MECOM: variants seen among roughly 807,000 people sequenced by gnomAD.
MECOM encodes histone-lysine N-methyltransferase MECOM.
In MECOM, 13 loss-of-function variants were observed where a neutral mutation model predicts 116.3. The ratio of observed to expected loss-of-function variants is 0.11; its 90% CI spans 0.07 to 0.18. The LOEUF (loss-of-function observed/expected upper bound fraction) is 0.18. MECOM is among the 10% of genes least tolerant of loss of function. MECOM has a pLI of 1.00. For synonymous variants in MECOM, 528 were observed against 535.2 expected (o/e 0.99, Z 0.19); for missense variants, 1,299 against 1,509.0 (o/e 0.86, Z 2.31).
chr3:169,572,730 A>G (rs1219696125), intron 1 of MECOM, among the ~76,000 whole-genome samples: 1 of 152,178 alleles, frequency 6.6e-6, no homozygotes, highest in Non-Finnish European at 1.5e-5. Flanking sequence ...ACAGGAACAG[A>G]AAACCAAATA....
intron 2 of MECOM, among the ~76,000 whole-genome samples, chr3:169,224,740 T>C (rs1376628449): frequency 6.6e-6 from 1 of 152,214 alleles, no homozygotes; most frequent in East Asian, 1.9e-4. Flanking sequence ...GCATTCATTA[T>C]CCACCAGGGA....
chr3:169,654,088 C>A (rs964349420), intron 1 of MECOM, among the ~76,000 whole-genome samples: 13 of 152,182 alleles, frequency 8.5e-5, no homozygotes, highest in Admixed American at 5.2e-4. Flanking sequence ...CGATGATATT[C>A]CCAACAATAT....
At chr3:169,242,200 T>C (rs1391651179) in intron 2 of MECOM, among the ~76,000 whole-genome samples, 1 of 152,202 alleles carries the variant, frequency 6.6e-6, no homozygotes, top group Non-Finnish European at 1.5e-5. Flanking sequence ...TTCTTTTTCT[T>C]CTTTTTAAAT....
chr3:169,436,346 G>C (rs1742643369), intron 1 of MECOM, among the ~76,000 whole-genome samples: 1 of 149,728 alleles, frequency 6.7e-6, no homozygotes, highest in African/African-American at 2.5e-5. Context: ...CGCCTCCCAG[G>C]TTCAAGCGAT....
intron 3 of MECOM, among the ~76,000 whole-genome samples, chr3:169,139,583 C>T (rs578034650): frequency 6.6e-6 from 1 of 152,180 alleles, no homozygotes; most frequent in Admixed American, 6.5e-5. Flanking sequence ...TCTAAAAAGC[C>T]AACTTAGGTA....
intron 1 of MECOM, among the ~76,000 whole-genome samples, chr3:169,491,192 T>A (rs1182344085): frequency 1.3e-5 from 2 of 152,102 alleles, no homozygotes; most frequent in Admixed American, 6.6e-5. Context: ...AATGAATTAT[T>A]GAGTATATAA....
intron 2 of MECOM, among the ~76,000 whole-genome samples, chr3:169,281,848 G>A (rs985149223): frequency 2.6e-5 from 4 of 152,010 alleles, no homozygotes; most frequent in South Asian, 2.1e-4. Flanking sequence ...TAATTGAACC[G>A]TAAATATGGA....
At chr3:169,305,568 C>T (rs1451851844) in intron 2 of MECOM, among the ~76,000 whole-genome samples, 1 of 152,182 alleles carries the variant, frequency 6.6e-6, no homozygotes, top group African/African-American at 2.4e-5. Context: ...TAATGGTAAA[C>T]TTATGCAAGA....
At chr3:169,516,964 C>T (rs1756707212) in intron 1 of MECOM, among the ~76,000 whole-genome samples, 1 of 152,170 alleles carries the variant, frequency 6.6e-6, no homozygotes, top group African/African-American at 2.4e-5. Flanking sequence ...GGTAGGAAAT[C>T]ATATACTTTG....
At chr3:169,385,696 A>G (rs1733208660) in intron 1 of MECOM, among the ~76,000 whole-genome samples, 1 of 152,230 alleles carries the variant, frequency 6.6e-6, no homozygotes, top group African/African-American at 2.4e-5. Flanking sequence ...AAGCTGCTAA[A>G]ACATTTCATC....
At chr3:169,453,498 G>A (rs914195069) in intron 1 of MECOM, among the ~76,000 whole-genome samples, 4 of 152,118 alleles carry the variant, frequency 2.6e-5, no homozygotes, top group Non-Finnish European at 4.4e-5. Context: ...TTGGCATTAG[G>A]GACATTTTTT....
At chr3:169,221,611 T>C (rs926926849) in intron 2 of MECOM, among the ~76,000 whole-genome samples, 1 of 151,154 alleles carries the variant, frequency 6.6e-6, no homozygotes, top group African/African-American at 2.4e-5. Context: ...GAAGTCACTC[T>C]GGTCTGGTTT....
intron 2 of MECOM, among the ~76,000 whole-genome samples, chr3:169,367,549 G>A (rs1316013494): frequency 6.6e-6 from 1 of 151,964 alleles, no homozygotes; most frequent in African/African-American, 2.4e-5. Context: ...TGTGTGTGTC[G>A]TAGGGGATGG....
chr3:169,484,058 C>T, intron 1 of MECOM: 1 of 1,103,356 alleles, frequency 9.1e-7, no homozygotes, highest in South Asian at 1.3e-5. Context: ...AAAGTACAAC[C>T]TATAGCTACC....
At chr3:169,138,787 T>C (rs890313684) in intron 3 of MECOM, among the ~76,000 whole-genome samples, 2 of 152,126 alleles carry the variant, frequency 1.3e-5, no homozygotes, top group African/African-American at 4.8e-5. Flanking sequence ...GCAGTATACA[T>C]AGCTAATCTA....
rs1177223748 is a variant in MECOM, at chr3:169,122,586, A to C, written c.972T>G (p.Cys324Trp). Residue 324 changes from cysteine to tryptophan, a missense_variant, in exon 6 of 17, where the codon TGT (cysteine) becomes TGG (tryptophan). Physicochemically the swap from Cys to Trp is radical, Grantham distance 215. Around this residue, in one of 6 missense-constraint regions of MECOM, gnomAD observed 374 missense variants for 433.4 expected, o/e 0.86. Coordinates refer to ENST00000651503, the MANE Select transcript of MECOM (RefSeq NM_004991.4). ...DSGKHYECEN[C>W]AKVFTDPSNL... Reference sequence around the variant, plus strand: ...GCCTACAAATTCACTGTACCTTGGCACAGTTTTCACATTCATAGTGCTTTC... The same window carrying C: ...GCCTACAAATTCACTGTACCTTGGCCCAGTTTTCACATTCATAGTGCTTTC... 1 of 1,614,030 alleles carries C rather than the reference A, an allele frequency of 6.2e-7. No individual in the cohort carries two copies. The highest frequency in any genetic ancestry group is 8.5e-7 in the Non-Finnish European group (1 of 1,179,904).
At chr3:169,091,984 T>A (rs116463485) in intron 14 of MECOM, among the ~76,000 whole-genome samples, 2 of 152,078 alleles carry the variant, frequency 1.3e-5, no homozygotes, top group Non-Finnish European at 2.9e-5. Context: ...ATTTAATAGG[T>A]CACTATATAG....
chr3:169,298,244 G>A (rs1217496978), intron 2 of MECOM, among the ~76,000 whole-genome samples: 1 of 151,730 alleles, frequency 6.6e-6, no homozygotes, highest in African/African-American at 2.4e-5. Context: ...AAAACAGAAT[G>A]GAAATCGATA....
intron 12 of MECOM, among the ~76,000 whole-genome samples, chr3:169,097,641 G>C (rs1029430482): frequency 2.6e-5 from 4 of 151,712 alleles, no homozygotes; most frequent in African/African-American, 9.7e-5. Context: ...AAACAGAGGG[G>C]CTGATGCATC....
Sources: gnomAD v4.1 joint callset for allele counts (sites outside exome capture counted in the v4.1 genomes callset) on GRCh38, gnomAD v4.1.1 for gene constraint, gnomAD v4.1.1 regional missense constraint, MANE v1.5 for transcripts, NCBI Gene and HGNC (gene_info 2026-07-23, HGNC 2026-07-21) for gene names.